CYLC2: variants seen among roughly 807,000 people sequenced by gnomAD.
CYLC2 encodes cylicin 2.
CYLC2 carries 30 observed loss-of-function variants against 26.1 expected under a neutral mutation model. The observed-to-expected ratio is 1.15, with a 90% confidence interval of 0.86 to 1.56. CYLC2 has a LOEUF of 1.56. CYLC2 is among the 40% of genes most tolerant of loss of function. The pLI is 0.00. For synonymous variants in CYLC2, 158 were observed against 132.8 expected (o/e 1.19, Z -1.31); for missense variants, 498 against 394.4 (o/e 1.26, Z -2.23).
At chr9:103,007,029 T>C (rs1350735640) in intron 5 of CYLC2, among the ~76,000 whole-genome samples, 1 of 152,088 alleles carries the variant, frequency 6.6e-6, no homozygotes, top group Non-Finnish European at 1.5e-5. Context: ...ACACGATAAA[T>C]ATGCTTTTAC....
At chr9:103,003,346 A>T in intron 3 of CYLC2, 83 bp downstream of exon 3, 5 of 1,221,326 alleles carry the variant, frequency 4.1e-6, no homozygotes, top group Non-Finnish European at 5.7e-6. Flanking sequence ...AATTATAATT[A>T]GTCTTAAGTA....
intron 6 of CYLC2, among the ~76,000 whole-genome samples, chr9:103,014,545 A>C (rs1257886464): frequency 7.4e-6 from 1 of 135,940 alleles, no homozygotes; most frequent in Non-Finnish European, 1.5e-5. Flanking sequence ...TCATATGTAT[A>C]TTATGCAGTA....
At chr9:103,016,454 T>G (rs1382724981) in intron 6 of CYLC2, among the ~76,000 whole-genome samples, 1 of 152,080 alleles carries the variant, frequency 6.6e-6, no homozygotes, top group Non-Finnish European at 1.5e-5. Context: ...TAATAAATTA[T>G]AATTTCAGTA....
intron 5 of CYLC2, among the ~76,000 whole-genome samples, chr9:103,009,890 CAT>C (rs1373897031): frequency 4.0e-5 from 6 of 150,550 alleles, no homozygotes; most frequent in East Asian, 1.9e-4. Context: ...TACAAACATA[CAT>C]ATGTGTACAC....
At chr9:103,014,498 A>G (rs1458696445) in intron 6 of CYLC2, among the ~76,000 whole-genome samples, 1 of 141,592 alleles carries the variant, frequency 7.1e-6, no homozygotes, top group African/African-American at 2.5e-5. Context: ...TGCAATATAC[A>G]TAATATATGT....
chr9:103,009,371 A>G (rs970949878), intron 5 of CYLC2, among the ~76,000 whole-genome samples: 3 of 151,728 alleles, frequency 2.0e-5, no homozygotes, highest in Non-Finnish European at 4.4e-5. Context: ...ACATCCAGAT[A>G]ATTTTTGTAT....
intron 1 of CYLC2, among the ~76,000 whole-genome samples, chr9:103,000,157 T>C (rs1829274279): frequency 6.6e-6 from 1 of 151,882 alleles, no homozygotes; most frequent in African/African-American, 2.4e-5. Flanking sequence ...TATTGTTCAG[T>C]TGCTTCTTTT....
chr9:103,011,631 T>C (rs1444697146), intron 5 of CYLC2, among the ~76,000 whole-genome samples: 33 of 152,016 alleles, frequency 2.2e-4, no homozygotes, highest in Non-Finnish European at 4.4e-5. Flanking sequence ...GGCTCAACTT[T>C]GCAAGAGATG....
At chr9:103,008,284 A>C (rs2118248209) in intron 5 of CYLC2, among the ~76,000 whole-genome samples, 1 of 152,116 alleles carries the variant, frequency 6.6e-6, no homozygotes, top group African/African-American at 2.4e-5. Context: ...GCCATCACTA[A>C]ATTTTCTTGT....
At chr9:103,016,392 T>C (rs971182923) in intron 6 of CYLC2, among the ~76,000 whole-genome samples, 1 of 152,014 alleles carries the variant, frequency 6.6e-6, no homozygotes, top group Admixed American at 6.6e-5. Flanking sequence ...CACATTGCCA[T>C]GGAAGATCTA....
At chr9:103,013,188 A>ATATAAATATATATTTAATATATT (rs1437802542) in intron 6 of CYLC2, among the ~76,000 whole-genome samples, 11 of 132,116 alleles carry the variant, frequency 8.3e-5, no homozygotes, top group Non-Finnish European at 1.2e-4. Context: ...TTAATATATT[A>ATATAAATATATATTTAATATATT]TATATAACAT....
rs1318993828 is a variant in CYLC2 at position 103,015,128 on chromosome 9, G to A, written c.*817-1760G>A. On this transcript the variant is annotated intron_variant, in intron 6 of 7. Transcript: ENST00000374798. ...GATATACATAACATGTATATCACGT[G>A]ATATACATAACATGTATATCACGTG... Among the ~76,000 whole-genome samples, 29 of 8,904 alleles carry A rather than the reference G, an allele frequency of 3.3e-3. 1 individual carries two copies. Among genetic ancestry groups the A allele is most frequent in the African/African-American group, 1.0e-2 (27 of 2,708 alleles). 5.8% of individuals were successfully genotyped at this position (8,904 alleles called of 152,430 possible).
intron 6 of CYLC2, among the ~76,000 whole-genome samples, chr9:103,012,779 G>C (rs1235952492): frequency 6.6e-6 from 1 of 151,446 alleles, no homozygotes; most frequent in Admixed American, 6.6e-5. Flanking sequence ...ATTATATGTG[G>C]TTTATTTTAT....
At position 103,010,283 on chromosome 9, in the gene CYLC2, T is replaced by C. The variant is rs192890267; in HGVS notation, c.*701-1699T>C. ...AAAGCAGTGGCAAAATACAAAATTA[T>C]TGCATAATTATAATCATATTCAAGT... On this transcript the variant is annotated intron_variant, in intron 5 of 7. Coordinates refer to ENST00000374798, the MANE Select transcript of CYLC2 (RefSeq NM_001340.5). Among the ~76,000 whole-genome samples the C allele has an allele frequency of 2.3e-3, 344 of 152,216 alleles. 3 individuals are homozygous for C. The highest frequency in any genetic ancestry group is 8.0e-3 in the African/African-American group (331 of 41,558).
At chr9:102,995,455 T>C (rs1279850681) in intron 1 of CYLC2, 58 bp downstream of exon 1, 14 of 1,252,424 alleles carry the variant, frequency 1.1e-5, no homozygotes, top group Non-Finnish European at 1.6e-5. Context: ...TACATTTAAC[T>C]TCTTTAGTAT....
intron 1 of CYLC2, among the ~76,000 whole-genome samples, chr9:102,996,811 A>G (rs1829242231): frequency 6.6e-6 from 1 of 151,868 alleles, no homozygotes; most frequent in Non-Finnish European, 1.5e-5. Context: ...TCCTTCTCTA[A>G]TACCTTTGCT....
At chr9:103,009,305 A>T in intron 5 of CYLC2, among the ~76,000 whole-genome samples, 1 of 152,130 alleles carries the variant, frequency 6.6e-6, no homozygotes, top group East Asian at 1.9e-4. Context: ...CCCCAGGCTC[A>T]GGTGATTCTA....
Position 103,004,829 on chromosome 9 carries a change from C to A in CYLC2, c.315C>A (p.Val105=). 6.2e-7 allele frequency: 1 copy of A among 1,610,486 alleles called. No individual in the cohort carries two copies. Among genetic ancestry groups the A allele is most frequent in the South Asian group, 1.1e-5 (1 of 90,132 alleles). Reference sequence around the variant, plus strand: ...AGCCTCTCAAACCAACTCGTACTGTCGAGGTGGATTCTAAAGCAGCAGGTA... The same window carrying A: ...AGCCTCTCAAACCAACTCGTACTGTAGAGGTGGATTCTAAAGCAGCAGGTA... ...RRQPLKPTRT[V]EVDSKAAEIG... The change falls in exon 4 of 8, where the codon GTC becomes GTA. Residue 105 remains valine (V), a synonymous_variant. Coordinates refer to ENST00000374798, the MANE Select transcript of CYLC2 (RefSeq NM_001340.5).
intron 5 of CYLC2, among the ~76,000 whole-genome samples, chr9:103,011,087 A>G (rs1391734022): frequency 1.3e-5 from 2 of 152,124 alleles, no homozygotes; most frequent in African/African-American, 2.4e-5. Context: ...AACCCCTCCA[A>G]GATAAGGACT....
Sources: gnomAD v4.1 joint callset for allele counts (sites outside exome capture counted in the v4.1 genomes callset) on GRCh38, gnomAD v4.1.1 for gene constraint, MANE v1.5 for transcripts, NCBI Gene and HGNC (gene_info 2026-07-23, HGNC 2026-07-21) for gene names.